The following POLK variants were observed in gnomAD, a reference collection of about 807,000 sequenced individuals.
The protein encoded by POLK is polymerase (DNA directed) kappa.
A neutral mutation model predicts 94.0 loss-of-function variants in POLK; 76 were observed. The observed-to-expected ratio is 0.81, with a 90% confidence interval of 0.67 to 0.98. POLK has a LOEUF of 0.98. Among genes scored for constraint, POLK ranks in the 50% least tolerant of loss-of-function variants. The pLI, the probability that POLK is intolerant of heterozygous loss-of-function variation, is 0.00. For synonymous variants in POLK, 349 were observed against 325.4 expected, an observed-to-expected ratio of 1.07 and a Z score of -0.78; for missense variants, 954 against 1,010.1, an observed-to-expected ratio of 0.94 and a Z score of 0.75.
chr5:75,557,033 A>AGT (rs1370986243), intron 3 of POLK, among the ~76,000 whole-genome samples: 2 of 152,344 alleles, frequency 1.3e-5, no homozygotes, highest in Admixed American at 6.5e-5. Context: ...ACTGCACTCC[A>AGT]GCCTGGGCAA....
intron 1 of POLK, among the ~76,000 whole-genome samples, chr5:75,516,731 C>T (rs1406674154): frequency 6.6e-6 from 1 of 152,160 alleles, no homozygotes; most frequent in Non-Finnish European, 1.5e-5. Context: ...TTCCCAAATA[C>T]ATTTTTCTAG....
chr5:75,527,344 C>G (rs2112558003), intron 1 of POLK, among the ~76,000 whole-genome samples: 1 of 151,848 alleles, frequency 6.6e-6, no homozygotes, highest in Non-Finnish European at 1.5e-5. Context: ...GACCCTGTCT[C>G]TGCAAAAATA....
intron 6 of POLK, among the ~76,000 whole-genome samples, chr5:75,579,884 C>CA (rs1241868852): frequency 6.7e-6 from 1 of 148,630 alleles, no homozygotes; most frequent in African/African-American, 2.5e-5. Flanking sequence ...CTATATTTAC[C>CA]AAAAAATTAT....
chr5:75,569,636 A>T, intron 4 of POLK, 144 bp downstream of exon 4: 1 of 667,236 alleles, frequency 1.5e-6, no homozygotes, highest in Non-Finnish European at 2.5e-6. Flanking sequence ...CAATTACTGA[A>T]TCCTTTCAAC....
intron 9 of POLK, among the ~76,000 whole-genome samples, chr5:75,585,958 T>A (rs1345136062): frequency 6.6e-6 from 1 of 152,198 alleles, no homozygotes. Context: ...TTCAATCTTT[T>A]GAGTCCACAG....
intron 1 of POLK, among the ~76,000 whole-genome samples, chr5:75,537,183 G>T (rs769277084): frequency 2.4e-4 from 36 of 152,346 alleles, no homozygotes; most frequent in Non-Finnish European, 4.0e-4. Context: ...GTGCTGATCT[G>T]CTCCGGGGCG....
intron 2 of POLK, among the ~76,000 whole-genome samples, chr5:75,551,325 C>G (rs1367944753): frequency 6.6e-6 from 1 of 151,292 alleles, no homozygotes; most frequent in East Asian, 2.0e-4. Flanking sequence ...ACCTGTGATC[C>G]TAACACTTTG....
intron 7 of POLK, 129 bp from the exon 8 acceptor site, chr5:75,583,160 TGTTA>T: frequency 1.8e-6 from 1 of 560,922 alleles, no homozygotes; most frequent in Non-Finnish European, 3.0e-6. Flanking sequence ...GGTAATCAAA[TGTTA>T]TTTTTAAAGT....
intron 1 of POLK, among the ~76,000 whole-genome samples, chr5:75,545,226 A>T (rs1367519063): frequency 3.3e-5 from 5 of 152,244 alleles, no homozygotes; most frequent in Non-Finnish European, 7.3e-5. Flanking sequence ...AACAGAAGCA[A>T]CATTGTTAAG....
chr5:75,608,551 C>A, the POLK span, among the ~76,000 whole-genome samples: 15 of 151,978 alleles, frequency 9.9e-5, no homozygotes, highest in Admixed American at 9.8e-4. Context: ...TTGTGGAAAC[C>A]GACACTAAAC....
chr5:75,583,446 A>G, intron 8 of POLK, 29 bp downstream of exon 8: 1 of 1,429,132 alleles, frequency 7.0e-7, no homozygotes, highest in South Asian at 1.2e-5. Flanking sequence ...GTTTATTTAT[A>G]TATGTACTCT....
intron 1 of POLK, among the ~76,000 whole-genome samples, chr5:75,541,707 C>T (rs1769749538): frequency 6.6e-6 from 1 of 152,122 alleles, no homozygotes; most frequent in Admixed American, 6.5e-5. Flanking sequence ...CATTCAAATC[C>T]AGTCTAAAAT....
At chr5:75,585,003 A>T in intron 9 of POLK, 77 bp downstream of exon 9, 1 of 875,360 alleles carries the variant, frequency 1.1e-6, no homozygotes, top group Non-Finnish European at 1.8e-6. Context: ...AGATGAGGCT[A>T]TATGGATAAC....
At chr5:75,578,740 T>C (rs760870439) in intron 6 of POLK, among the ~76,000 whole-genome samples, 1 of 152,216 alleles carries the variant, frequency 6.6e-6, no homozygotes, top group African/African-American at 2.4e-5. Flanking sequence ...AAGACATTGT[T>C]TTGCTGTTTC....
intron 1 of POLK, among the ~76,000 whole-genome samples, chr5:75,539,997 A>G (rs996940008): frequency 1.3e-5 from 2 of 152,194 alleles, no homozygotes; most frequent in Non-Finnish European, 2.9e-5. Flanking sequence ...AACCCCTGCC[A>G]TACACTATTA....
chr5:75,607,071 G>A, the POLK span, among the ~76,000 whole-genome samples: 2 of 152,184 alleles, frequency 1.3e-5, no homozygotes, highest in Non-Finnish European at 2.9e-5. Context: ...GTGAAAAATA[G>A]GTGTTACAGA....
chr5:75,562,910 G>C (rs767192638), intron 3 of POLK, among the ~76,000 whole-genome samples: 4 of 152,172 alleles, frequency 2.6e-5, no homozygotes, highest in Non-Finnish European at 5.9e-5. Context: ...GATTTGGTTT[G>C]CCAGTATTTT....
intron 10 of POLK, among the ~76,000 whole-genome samples, chr5:75,588,037 G>A (rs1036724822): frequency 6.6e-5 from 10 of 151,956 alleles, no homozygotes; most frequent in Admixed American, 6.6e-5. Context: ...ATAATAAATG[G>A]CTTTGATAAA....
Position 75,586,985 on chromosome 5 carries a change from T to C in POLK, c.1227-41T>C, listed in dbSNP as rs1440287700. On this transcript the variant is annotated intron_variant, in intron 9 of 14. Transcript: ENST00000241436. The stretch of plus-strand genomic sequence containing the variant: ...ATCCTCTTGGTTAACTAAAAAAAAC[T>C]CAGTCTTTGAAAAATAAAGACCTTT... 5 of 1,460,276 alleles carry C rather than the reference T, an allele frequency of 3.4e-6. No homozygotes were observed. The Admixed American group carries it at 8.2e-5, about 24-fold the overall frequency. 90.5% of individuals were successfully genotyped at this position (1,460,276 alleles called of 1,614,324 possible).
Sources: gnomAD v4.1 joint callset for allele counts (sites outside exome capture counted in the v4.1 genomes callset) on GRCh38, gnomAD v4.1.1 for gene constraint, MANE v1.5 for transcripts, NCBI Gene and HGNC (gene_info 2026-07-23, HGNC 2026-07-21) for gene names.